UBE3A: variants seen among roughly 807,000 people sequenced by gnomAD.
UBE3A encodes the protein ubiquitin-protein ligase E3A.
UBE3A carries 6 observed loss-of-function variants against 83.4 expected under a neutral mutation model. The ratio of observed to expected loss-of-function variants is 0.07; its 90% CI spans 0.04 to 0.14. UBE3A has a LOEUF of 0.14. Among genes scored for constraint, UBE3A ranks in the 10% least tolerant of loss-of-function variants. UBE3A has a pLI of 1.00. For missense variants in UBE3A, 456 were observed against 1,036.1 expected (o/e 0.44, Z 7.69); for synonymous variants, 337 against 355.4 (o/e 0.95, Z 0.58).
intron 1 of UBE3A, among the ~76,000 whole-genome samples, chr15:25,433,187 TA>T (rs957138006): frequency 6.7e-6 from 1 of 149,854 alleles, no homozygotes; most frequent in Non-Finnish European, 1.5e-5. Flanking sequence ...ACAACGTTTC[TA>T]AAAAGTTTTT....
rs1174443542 is a variant in UBE3A at position 25,336,485 on chromosome 15, C to T, written c.*2652G>A. The T allele has an allele frequency of 6.6e-6, 1 of 152,212 alleles. No homozygotes were observed. Among genetic ancestry groups the T allele is most frequent in the Non-Finnish European group, 1.5e-5 (1 of 68,042 alleles). 9.4% of individuals were successfully genotyped at this position (152,212 alleles called of 1,614,324 possible). On this transcript the variant is annotated 3_prime_UTR_variant, in exon 13 of 13. Transcript: ENST00000648336. The stretch of plus-strand genomic sequence containing the variant: ...ACAACCATCTGTTCTAACAGAATGT[C>T]TGTACCGAGGAGGGATGAGTAACAT...
chr15:25,432,249 T>G (rs193264935), intron 1 of UBE3A, among the ~76,000 whole-genome samples: 24 of 152,334 alleles, frequency 1.6e-4, no homozygotes, highest in Admixed American at 1.6e-3. Context: ...TTTATTGTTT[T>G]CAGTATTTCT....
intron 3 of UBE3A, chr15:25,408,556 A>G: frequency 6.2e-7 from 1 of 1,602,738 alleles, no homozygotes; most frequent in Non-Finnish European, 8.5e-7. Flanking sequence ...AGAAAATATG[A>G]TCACAAAACA....
intron 4 of UBE3A, among the ~76,000 whole-genome samples, chr15:25,377,594 C>T (rs2081427131): frequency 6.6e-6 from 1 of 152,124 alleles, no homozygotes. Context: ...GTCATGTTCT[C>T]CCAAACTACA....
In UBE3A at chr15:25,375,539, T is replaced by C. The variant is rs1343941499; in HGVS notation, c.287A>G (p.Asn96Ser). Reference sequence around the variant, plus strand: ...GGAGTTGTTGGGGGCACCTTTCGAGTTCTCAAGGTAAGCTGAGCTTGCTCC... The same window carrying C: ...GGAGTTGTTGGGGGCACCTTTCGAGCTCTCAAGGTAAGCTGAGCTTGCTCC... ...KKGASSAYLENSKGAPNNSCS... is the reference protein window; with the variant it reads ...KKGASSAYLESSKGAPNNSCS... Residue 96 changes from asparagine (N) to serine (S), a missense_variant, in exon 5 of 13, where the codon AAC (asparagine) becomes AGC (serine). By Grantham distance (46) the Asn-to-Ser change is conservative. This residue lies in a region of UBE3A where 36 missense variants were observed against 28.5 expected (regional missense o/e 1.26). Coordinates refer to ENST00000648336, the MANE Select transcript of UBE3A (RefSeq NM_130839.5). 6.2e-7 allele frequency: 1 copy of C among 1,614,152 alleles called. No individual in the cohort carries two copies. The highest frequency in any genetic ancestry group is 1.1e-5 in the South Asian group (1 of 91,084).
intron 1 of UBE3A, among the ~76,000 whole-genome samples, chr15:25,421,262 C>T (rs1889697761): frequency 6.6e-6 from 1 of 152,198 alleles, no homozygotes; most frequent in Admixed American, 6.5e-5. Flanking sequence ...CCCCCTTTGC[C>T]TTCCACCATG....
intron 4 of UBE3A, among the ~76,000 whole-genome samples, chr15:25,384,977 A>G (rs2082855336): frequency 6.6e-6 from 1 of 152,210 alleles, no homozygotes; most frequent in Non-Finnish European, 1.5e-5. Flanking sequence ...ACAGACCTAA[A>G]CTTAAAACAT....
At chr15:25,396,527 G>A (rs1183429110) in intron 4 of UBE3A, among the ~76,000 whole-genome samples, 1 of 152,158 alleles carries the variant, frequency 6.6e-6, no homozygotes, top group Non-Finnish European at 1.5e-5. Context: ...GGAGGCTGAG[G>A]CATGAGGATC....
intron 5 of UBE3A, chr15:25,373,895 T>C (rs1183993729): frequency 1.3e-5 from 2 of 152,222 alleles, no homozygotes; most frequent in East Asian, 3.9e-4. Context: ...GGTGTTCTAC[T>C]GAGAAAGACA....
rs2080344002 is a variant in UBE3A, at chr15:25,371,871, T to A, written c.362-59A>T. ...TTTCATAATATGTATGTTTACTCTG[T>A]TGCAAAAAGTTCTAAAAGTAAAACA... On this transcript the variant is annotated intron_variant, in intron 5 of 12. Coordinates refer to ENST00000648336, the MANE Select transcript of UBE3A (RefSeq NM_130839.5). The surrounding 1 kb of genome is among the most constrained non-coding windows in gnomAD (Gnocchi z 5.3). The A allele has an allele frequency of 3.9e-6, 6 of 1,521,170 alleles. No individual in the cohort carries two copies. Among genetic ancestry groups the A allele is most frequent in the Non-Finnish European group, 5.3e-6 (6 of 1,133,754 alleles). The allele number at this position is 1,521,170 out of a possible 1,614,324, so 94.2% of individuals were successfully genotyped here. A position where few individuals can be genotyped will look rare whatever the true frequency, so the allele number is the denominator to read the frequency against.
At chr15:25,392,060 C>T (rs1039649241) in intron 4 of UBE3A, among the ~76,000 whole-genome samples, 2 of 152,024 alleles carry the variant, frequency 1.3e-5, no homozygotes, top group African/African-American at 2.4e-5. Context: ...AAGACAAAAC[C>T]AGAAGGCATA....
chr15:25,388,426 T>C (rs2083592282), intron 4 of UBE3A, among the ~76,000 whole-genome samples: 2 of 152,018 alleles, frequency 1.3e-5, no homozygotes, highest in Non-Finnish European at 2.9e-5. Flanking sequence ...CACCCACTCA[T>C]GATAGAAACT....
intron 6 of UBE3A, 148 bp from the exon 7 acceptor site, chr15:25,360,675 G>C: frequency 3.6e-6 from 3 of 844,924 alleles, no homozygotes; most frequent in Non-Finnish European, 5.5e-6. Context: ...CTGATAAAAA[G>C]CCAGTGAAGA....
chr15:25,437,902 C>T (rs1323592857), intron 1 of UBE3A, among the ~76,000 whole-genome samples: 1 of 152,112 alleles, frequency 6.6e-6, no homozygotes, highest in Non-Finnish European at 1.5e-5. Context: ...TATAACACAG[C>T]AGTCTCTGGC....
At chr15:25,414,890 C>A (rs1363071590) in intron 1 of UBE3A, among the ~76,000 whole-genome samples, 1 of 152,162 alleles carries the variant, frequency 6.6e-6, no homozygotes, top group African/African-American at 2.4e-5. Flanking sequence ...ACAGACTAGA[C>A]CAGACTTCAA....
At chr15:25,413,129 C>A (rs2090291969) in intron 1 of UBE3A, 3 of 391,808 alleles carry the variant, frequency 7.7e-6, no homozygotes, top group South Asian at 5.6e-5. Context: ...ACTGTAAGCA[C>A]TACAAATATT....
chr15:25,389,682 G>A (rs975935662), intron 4 of UBE3A, among the ~76,000 whole-genome samples: 4 of 152,182 alleles, frequency 2.6e-5, no homozygotes, highest in Non-Finnish European at 5.9e-5. Flanking sequence ...GAGGTCAGGA[G>A]GTCGAGACCA....
intron 1 of UBE3A, among the ~76,000 whole-genome samples, chr15:25,434,194 T>G (rs548865065): frequency 1.3e-5 from 2 of 152,324 alleles, no homozygotes; most frequent in East Asian, 3.9e-4. Context: ...TATTGATAAC[T>G]CAGATCAAAG....
intron 4 of UBE3A, among the ~76,000 whole-genome samples, chr15:25,381,063 T>C (rs556738215): frequency 4.8e-4 from 73 of 152,350 alleles, no homozygotes; most frequent in African/African-American, 1.3e-3. Flanking sequence ...TGTGTACTAA[T>C]GTTAGCAATT....
Sources: gnomAD v4.1 joint callset for allele counts (sites outside exome capture counted in the v4.1 genomes callset) on GRCh38, gnomAD v4.1.1 for gene constraint, gnomAD v4.1.1 regional missense constraint, Gnocchi (gnomAD v3.1) non-coding constraint, MANE v1.5 for transcripts, NCBI Gene and HGNC (gene_info 2026-07-23, HGNC 2026-07-21) for gene names.